GUCY1A2: variants seen among roughly 807,000 people sequenced by gnomAD.
GUCY1A2 encodes the protein guanylate cyclase soluble subunit alpha-2.
Under a neutral mutation model 63.5 loss-of-function variants are expected in GUCY1A2, and 27 were observed. That is an observed-to-expected ratio of 0.43 (90% CI 0.31 to 0.59). The LOEUF (loss-of-function observed/expected upper bound fraction) is 0.59, where lower values mean the gene tolerates loss of function less well. GUCY1A2 is among the 20% of genes least tolerant of loss of function. GUCY1A2 has a pLI of 0.11. For missense variants in GUCY1A2, 768 were observed against 913.3 expected, an observed-to-expected ratio of 0.84 and a Z score of 2.05; for synonymous variants, 364 against 343.5, an observed-to-expected ratio of 1.06 and a Z score of -0.66.
chr11:106,981,477 C>CAA (rs61474144), intron 2 of GUCY1A2, among the ~76,000 whole-genome samples: 2,001 of 130,738 alleles, frequency 0.015, 26 homozygotes, highest in South Asian at 0.049. Flanking sequence ...CTTATTCTGG[C>CAA]AAAAAAAAAA....
chr11:106,893,144 A>T (rs1381831704), intron 4 of GUCY1A2, among the ~76,000 whole-genome samples: 1 of 152,160 alleles, frequency 6.6e-6, no homozygotes, highest in African/African-American at 2.4e-5. Context: ...CAAGTGTGCA[A>T]ATCAAAACGA....
intron 4 of GUCY1A2, chr11:106,827,436 T>C (rs1858986939): frequency 2.1e-6 from 3 of 1,447,362 alleles, no homozygotes; most frequent in African/African-American, 1.4e-5. Flanking sequence ...CACCGTTCCC[T>C]AAGATCATTA....
chr11:106,802,249 A>G (rs1201222723), intron 5 of GUCY1A2, among the ~76,000 whole-genome samples: 1 of 152,180 alleles, frequency 6.6e-6, no homozygotes, highest in Non-Finnish European at 1.5e-5. Context: ...CCCTATGTAT[A>G]AACTAAAGGC....
intron 4 of GUCY1A2, among the ~76,000 whole-genome samples, chr11:106,894,798 T>C (rs758700903): frequency 6.6e-6 from 1 of 152,076 alleles, no homozygotes; most frequent in Non-Finnish European, 1.5e-5. Context: ...AATGCATATA[T>C]AAGGAGAAAA....
At chr11:106,827,662 A>G in intron 4 of GUCY1A2, 1 of 1,541,988 alleles carries the variant, frequency 6.5e-7, no homozygotes, top group Non-Finnish European at 9.0e-7. Context: ...ATGTTGGGAA[A>G]GCGTTTTTCT....
intron 3 of GUCY1A2, among the ~76,000 whole-genome samples, chr11:106,976,682 G>T (rs1861267139): frequency 6.6e-6 from 1 of 152,118 alleles, no homozygotes. Context: ...TTTAAATCTT[G>T]AAAACAACCT....
chr11:106,810,853 T>G (rs1473711954), intron 4 of GUCY1A2, among the ~76,000 whole-genome samples: 1 of 152,154 alleles, frequency 6.6e-6, no homozygotes. Flanking sequence ...TAAATCCATC[T>G]GTCAAAATAA....
chr11:106,763,712 A>G (rs568729592), intron 6 of GUCY1A2, among the ~76,000 whole-genome samples: 1 of 152,220 alleles, frequency 6.6e-6, no homozygotes, highest in East Asian at 1.9e-4. Flanking sequence ...AAAGCAGATT[A>G]GTATTTGGCA....
At chr11:106,962,116 G>A (rs1463586454) in intron 3 of GUCY1A2, among the ~76,000 whole-genome samples, 1 of 152,146 alleles carries the variant, frequency 6.6e-6, no homozygotes, top group African/African-American at 2.4e-5. Context: ...TTATACTAAG[G>A]TGAGAGCAGG....
intron 4 of GUCY1A2, among the ~76,000 whole-genome samples, chr11:106,842,333 C>T (rs891681331): frequency 6.6e-6 from 1 of 151,946 alleles, no homozygotes; most frequent in African/African-American, 2.4e-5. Flanking sequence ...AAGTCTCCCA[C>T]TGAGTGTGGC....
At chr11:106,996,164 G>T (rs894258740) in intron 1 of GUCY1A2, among the ~76,000 whole-genome samples, 6 of 152,146 alleles carry the variant, frequency 3.9e-5, no homozygotes, top group Non-Finnish European at 7.3e-5. Context: ...AGGCCATTGA[G>T]CAATAGAAGC....
chr11:106,758,648 A>T (rs1864014379), intron 6 of GUCY1A2, among the ~76,000 whole-genome samples: 1 of 152,200 alleles, frequency 6.6e-6, no homozygotes, highest in Non-Finnish European at 1.5e-5. Flanking sequence ...TCACCAGAAT[A>T]TAGGTTTCAA....
intron 2 of GUCY1A2, among the ~76,000 whole-genome samples, chr11:106,982,785 T>C (rs1413957637): frequency 1.3e-5 from 2 of 151,826 alleles, no homozygotes; most frequent in Non-Finnish European, 2.9e-5. Flanking sequence ...AAGGTTGAAA[T>C]GGAGTGAAAA....
intron 5 of GUCY1A2, among the ~76,000 whole-genome samples, chr11:106,780,212 C>T (rs1246466969): frequency 6.6e-6 from 1 of 151,626 alleles, no homozygotes; most frequent in African/African-American, 2.4e-5. Flanking sequence ...ATTTAGTTTC[C>T]AAATATTAGA....
chr11:106,828,583 G>A (rs1246151631), intron 4 of GUCY1A2, among the ~76,000 whole-genome samples: 1 of 152,010 alleles, frequency 6.6e-6, no homozygotes, highest in Non-Finnish European at 1.5e-5. Context: ...ACTACACTGG[G>A]GAATTATTGT....
At chr11:106,991,657 G>A (rs557433781) in intron 1 of GUCY1A2, among the ~76,000 whole-genome samples, 2 of 152,192 alleles carry the variant, frequency 1.3e-5, no homozygotes, top group Admixed American at 6.5e-5. Context: ...TTCTGAGATG[G>A]ATACTCATAA....
chr11:106,909,427 G>GTGTGTGT, intron 4 of GUCY1A2, among the ~76,000 whole-genome samples: 1 of 118,882 alleles, frequency 8.4e-6, no homozygotes, highest in Non-Finnish European at 1.8e-5. Flanking sequence ...CATATGTGTA[G>GTGTGTGT]GTTTGCATAT....
At chr11:106,970,246 ACTGAAATTC>A (rs1861176824) in intron 3 of GUCY1A2, among the ~76,000 whole-genome samples, 1 of 152,184 alleles carries the variant, frequency 6.6e-6, no homozygotes, top group Non-Finnish European at 1.5e-5. Flanking sequence ...TCAAAGTTAC[ACTGAAATTC>A]CTAAAATATT....
At chr11:106,954,113 C>T (rs1231219151) in intron 3 of GUCY1A2, among the ~76,000 whole-genome samples, 2 of 152,030 alleles carry the variant, frequency 1.3e-5, no homozygotes, top group South Asian at 4.1e-4. Flanking sequence ...GTTAGGGTGT[C>T]AATTTGAGAT....
Sources: gnomAD v4.1 joint callset for allele counts (sites outside exome capture counted in the v4.1 genomes callset) on GRCh38, gnomAD v4.1.1 for gene constraint, MANE v1.5 for transcripts, NCBI Gene and HGNC (gene_info 2026-07-23, HGNC 2026-07-21) for gene names.